The following HNRNPC variants were observed in gnomAD, a reference collection of about 807,000 sequenced individuals.
HNRNPC encodes heterogeneous nuclear ribonucleoprotein C.
A neutral mutation model predicts 33.2 loss-of-function variants in HNRNPC; 3 were observed. The ratio of observed to expected loss-of-function variants is 0.09; its 90% CI spans 0.04 to 0.23. The LOEUF is 0.23. HNRNPC is among the 10% of genes least tolerant of loss of function. The probability of loss-of-function intolerance (pLI) is 1.00; values close to 1 mark genes in which losing one functional copy is unlikely to be tolerated. For synonymous variants in HNRNPC, 121 were observed against 126.7 expected, an observed-to-expected ratio of 0.96 and a Z score of 0.30; for missense variants, 143 against 366.7, an observed-to-expected ratio of 0.39 and a Z score of 4.98.
intron 1 of HNRNPC, 70 bp downstream of exon 1, chr14:21,269,225 ATCT>A (rs1394371571): frequency 6.6e-6 from 1 of 152,122 alleles, no homozygotes; most frequent in African/African-American, 2.4e-5. Context: ...GGATTCCCAC[ATCT>A]TCTCTCCCAC....
At position 21,252,881 on chromosome 14, in the gene HNRNPC, A is replaced by T. The variant is rs560920847; in HGVS notation, c.-37+10430T>A. Among the ~76,000 whole-genome samples the T allele has an allele frequency of 9.7e-4, 147 of 152,314 alleles. 1 individual carries two copies. Among genetic ancestry groups the T allele is most frequent in the Non-Finnish European group, 1.8e-3 (121 of 68,018 alleles). On this transcript the variant is annotated intron_variant, in intron 2 of 8. Transcript: ENST00000553300. The stretch of plus-strand genomic sequence containing the variant: ...GTGTATGTGAAATTTTTTCACAATT[A>T]AAAGATAGCACCAGGCGGGTGCAGT...
At chr14:21,228,726 CA>C (rs1340460741) in intron 5 of HNRNPC, among the ~76,000 whole-genome samples, 4 of 151,384 alleles carry the variant, frequency 2.6e-5, no homozygotes, top group Non-Finnish European at 4.4e-5. Context: ...AAAATTTCAA[CA>C]AAAATAAAAA....
intron 2 of HNRNPC, among the ~76,000 whole-genome samples, chr14:21,235,453 C>T (rs1452250419): frequency 1.3e-5 from 2 of 152,190 alleles, no homozygotes. Flanking sequence ...CATTCTGATG[C>T]TTAATACAGT....
chr14:21,223,001 C>T (rs1893005974), intron 5 of HNRNPC, among the ~76,000 whole-genome samples: 1 of 152,054 alleles, frequency 6.6e-6, no homozygotes, highest in Non-Finnish European at 1.5e-5. Flanking sequence ...GTGTTCGAGA[C>T]TAGCCTGCCC....
chr14:21,244,314 T>C (rs1397551261), intron 2 of HNRNPC, among the ~76,000 whole-genome samples: 2 of 152,220 alleles, frequency 1.3e-5, no homozygotes, highest in African/African-American at 4.8e-5. Flanking sequence ...GTTCTCTCTA[T>C]AAAGCACTTT....
chr14:21,237,558 G>A (rs1193091763), intron 2 of HNRNPC, among the ~76,000 whole-genome samples: 2 of 152,162 alleles, frequency 1.3e-5, no homozygotes, highest in Admixed American at 6.5e-5. Flanking sequence ...CCTACAAGTG[G>A]CAATACCTTT....
intron 2 of HNRNPC, among the ~76,000 whole-genome samples, chr14:21,248,542 C>T (rs563110685): frequency 6.6e-6 from 1 of 152,058 alleles, no homozygotes; most frequent in African/African-American, 2.4e-5. Context: ...TAACAAGTGC[C>T]GCTGCTGCTA....
At position 21,210,668 on chromosome 14, in the gene HNRNPC, GACTATAAC is replaced by G. The variant is rs1891502451; in HGVS notation, c.*547_*554del. On this transcript the variant is annotated 3_prime_UTR_variant, in exon 9 of 9. Transcript: ENST00000553300. ...ATCAACTTTAGAAAACAAATCTTAAGACTATAACACTAATTATTTTTCTAGAGGATGCA... is the reference window on the plus strand; with the variant it reads ...ATCAACTTTAGAAAACAAATCTTAAGACTAATTATTTTTCTAGAGGATGCA... The G allele has an allele frequency of 6.6e-6, 1 of 152,118 alleles. No individual in the cohort carries two copies. Among genetic ancestry groups the G allele is most frequent in the Admixed American group, 6.6e-5 (1 of 15,194 alleles). 9.4% of individuals were successfully genotyped at this position (152,118 alleles called of 1,614,324 possible). A position where few individuals can be genotyped will look rare whatever the true frequency, so the allele number is the denominator to read the frequency against.
chr14:21,239,394 T>C (rs539750959), intron 2 of HNRNPC, among the ~76,000 whole-genome samples: 2 of 151,012 alleles, frequency 1.3e-5, no homozygotes, highest in East Asian at 3.9e-4. Context: ...GCAGGAAAAA[T>C]GCTTGAACCT....
At chr14:21,227,429 A>G (rs570898673) in intron 5 of HNRNPC, among the ~76,000 whole-genome samples, 1 of 152,360 alleles carries the variant, frequency 6.6e-6, no homozygotes, top group South Asian at 2.1e-4. Flanking sequence ...GGCTGACGTT[A>G]GAACAATAGA....
chr14:21,246,894 A>G (rs1594290313), intron 2 of HNRNPC, among the ~76,000 whole-genome samples: 1 of 152,200 alleles, frequency 6.6e-6, no homozygotes, highest in African/African-American at 2.4e-5. Flanking sequence ...CAAAGTCAAT[A>G]TATCTTCTGC....
intron 2 of HNRNPC, among the ~76,000 whole-genome samples, chr14:21,239,616 G>A (rs1895123430): frequency 1.3e-5 from 2 of 152,148 alleles, no homozygotes; most frequent in Non-Finnish European, 2.9e-5. Context: ...GCTCACACCT[G>A]TAATCCCAGC....
intron 5 of HNRNPC, among the ~76,000 whole-genome samples, chr14:21,220,597 G>A (rs117698284): frequency 0.016 from 2,442 of 152,224 alleles, 30 homozygotes; most frequent in Middle Eastern, 0.044. Context: ...AATATTTGTT[G>A]AGTAAATAAA....
At chr14:21,254,458 T>G (rs1351050238) in intron 2 of HNRNPC, 1 of 152,182 alleles carries the variant, frequency 6.6e-6, no homozygotes, top group Non-Finnish European at 1.5e-5. Flanking sequence ...ACACCCCAAA[T>G]GTTATCTTTG....
At chr14:21,216,637 A>G (rs1171430193) in intron 5 of HNRNPC, among the ~76,000 whole-genome samples, 2 of 152,186 alleles carry the variant, frequency 1.3e-5, no homozygotes, top group Non-Finnish European at 2.9e-5. Context: ...TGAACCTAAC[A>G]GGCGGAGTTC....
intron 5 of HNRNPC, among the ~76,000 whole-genome samples, chr14:21,229,335 C>G (rs555461531): frequency 4.1e-5 from 6 of 146,222 alleles, no homozygotes; most frequent in Non-Finnish European, 8.9e-5. Flanking sequence ...TGCGCCACTG[C>G]ACTCCAGGAT....
intron 2 of HNRNPC, chr14:21,236,405 G>A (rs1894701355): frequency 6.6e-6 from 1 of 152,160 alleles, no homozygotes; most frequent in South Asian, 2.1e-4. Flanking sequence ...GGAGGCAACA[G>A]TAAAGACAGA....
intron 2 of HNRNPC, among the ~76,000 whole-genome samples, chr14:21,256,613 ATGAGTAGTGGTATATTTTGAAGAGC>A (rs1475580374): frequency 6.6e-6 from 1 of 152,160 alleles, no homozygotes; most frequent in African/African-American, 2.4e-5. Context: ...TGTCGACAGT[ATGAGTAGTGGTATATTTTGAAGAGC>A]TGACAGCATT....
At chr14:21,262,491 A>C (rs1038226252) in intron 2 of HNRNPC, 2 of 152,268 alleles carry the variant, frequency 1.3e-5, no homozygotes, top group South Asian at 2.1e-4. Context: ...TGCACACACA[A>C]AAGTTTCAAA....
Sources: gnomAD v4.1 joint callset for allele counts (sites outside exome capture counted in the v4.1 genomes callset) on GRCh38, gnomAD v4.1.1 for gene constraint, MANE v1.5 for transcripts, NCBI Gene and HGNC (gene_info 2026-07-23, HGNC 2026-07-21) for gene names.